Variants in ITIH6 observed in about 807,000 individuals in gnomAD.
ITIH6 encodes inter-alpha-trypsin inhibitor heavy chain H6.
A neutral mutation model predicts 58.2 loss-of-function variants in ITIH6; 60 were observed. That is an observed-to-expected ratio of 1.03 (90% CI 0.84 to 1.28). The LOEUF (loss-of-function observed/expected upper bound fraction) is 1.28, where lower values mean the gene tolerates loss of function less well. Ranked by LOEUF, ITIH6 falls within the 50% of genes most tolerant of loss-of-function variation. The pLI, the probability that ITIH6 is intolerant of heterozygous loss-of-function variation, is 0.00. For synonymous variants in ITIH6, 493 were observed against 417.4 expected (o/e 1.18, Z -2.21); for missense variants, 1,290 against 1,021.1 (o/e 1.26, Z -3.59).
chrX:54,784,078 C>T (rs1929198547), intron 5 of ITIH6, among the ~76,000 whole-genome samples: 1 of 111,826 alleles, frequency 8.9e-6, no homozygotes, highest in Non-Finnish European at 1.9e-5. Flanking sequence ...CAAGAACATA[C>T]ATTGGGGAAA....
chrX:54,794,751 G>A (rs1929411107), intron 2 of ITIH6, among the ~76,000 whole-genome samples: 1 of 111,318 alleles, frequency 9.0e-6, no homozygotes, highest in African/African-American at 3.3e-5. Flanking sequence ...AGGGACAAGC[G>A]GGGCTGAACA....
chrX:54,757,536 C>A lies in ITIH6; in HGVS notation c.2538G>T (p.Leu846Phe), dbSNP rs181442515. Reference protein sequence around the residue: ...NMPHLGPGILLSKTPKILLSL... With the variant: ...NMPHLGPGILFSKTPKILLSL... ...ATAATAAGATTTTAGGGGTCTTGGA[C>A]AAGAGGATTCCAGGCCCCAGGTGTG... is the stretch of plus-strand genomic sequence containing the variant. The change falls in exon 8 of 13, where the codon TTG (leucine) becomes TTT (phenylalanine). Residue 846 changes from leucine to phenylalanine, a missense_variant. Transcript: ENST00000218436. The A allele has an allele frequency of 5.6e-4, 677 of 1,208,062 alleles. 4 individuals carry two copies. The East Asian group carries it at 0.012, about 21-fold the overall frequency.
At chrX:54,792,185 G>A (rs1447443002) in intron 2 of ITIH6, 149 bp from the exon 3 acceptor site, 2 of 410,688 alleles carry the variant, frequency 4.9e-6, no homozygotes, top group East Asian at 7.7e-5. Context: ...CCCAGTGTGA[G>A]CGGCAAGAAG....
chrX:54,755,353 G>T (rs1569543837), intron 8 of ITIH6, among the ~76,000 whole-genome samples: 1 of 112,466 alleles, frequency 8.9e-6, no homozygotes, highest in Non-Finnish European at 1.9e-5. Context: ...GCATTGCTTA[G>T]GTATTAGGTA....
chrX:54,775,623 A>G (rs1252946657), intron 5 of ITIH6, among the ~76,000 whole-genome samples: 1 of 111,088 alleles, frequency 9.0e-6, no homozygotes, highest in Non-Finnish European at 1.9e-5. Flanking sequence ...ATAGAATTTT[A>G]TTGTCTTTTC....
chrX:54,756,577 T>C (rs1315848361), intron 8 of ITIH6, among the ~76,000 whole-genome samples: 1 of 111,348 alleles, frequency 9.0e-6, no homozygotes, highest in Non-Finnish European at 1.9e-5. Context: ...GCAGGACTAT[T>C]CACAGAGCAC....
rs1569543920 is a variant in ITIH6, at chrX:54,758,909, TC to T, written c.1164del (p.Ile389SerfsTer7). ...QEPGRGPSVGRIPLIIFLTDG... is the reference protein window; with the variant it reads ...QEPGRGPSVGXIPLIIFLTDG... The stretch of plus-strand genomic sequence containing the variant: ...TCCGTCAGGAAGATGATAAGAGGGA[TC>T]CTCCCCACACTGGGGCCCCTCCCAG... On this transcript the variant is annotated frameshift_variant, in exon 8 of 13. Coordinates refer to ENST00000218436, the MANE Select transcript of ITIH6 (RefSeq NM_198510.3). LOFTEE classifies it high-confidence loss of function. 8.3e-7 allele frequency: 1 copy of T among 1,207,043 alleles called. No homozygotes were observed.
chrX:54,759,878 T>C lies in ITIH6; in HGVS notation c.953A>G (p.Tyr318Cys). The C allele has an allele frequency of 8.3e-7, 1 of 1,210,162 alleles. No individual in the cohort carries two copies. The highest frequency in any genetic ancestry group is 1.1e-6 in the Non-Finnish European group (1 of 894,042). ...GTCAGAAAAGGAGATGATGTTGAAG[T>C]AGTCATTGGCTTGAAGGTCACTGAG... Reference protein sequence around the residue: ...VILSDLQANDYFNIISFSDTV... With the variant: ...VILSDLQANDCFNIISFSDTV... The change falls in exon 7 of 13, where the codon TAC becomes TGC. Residue 318 changes from tyrosine (Y) to cysteine (C), a missense_variant. Physicochemically the swap from Tyr to Cys is radical, Grantham distance 194. Coordinates refer to ENST00000218436, the MANE Select transcript of ITIH6 (RefSeq NM_198510.3).
intron 5 of ITIH6, among the ~76,000 whole-genome samples, chrX:54,778,425 C>T (rs1288559979): frequency 9.0e-6 from 1 of 111,178 alleles, no homozygotes; most frequent in African/African-American, 3.3e-5. Context: ...AAAGTCCTGA[C>T]TTCAAGTGGT....
In ITIH6 at chrX:54,757,158, G is replaced by A; in HGVS notation, c.2916C>T (p.Ser972=). Residue 972 remains serine (S), a synonymous_variant, in exon 8 of 13, where the codon AGC becomes AGT. Transcript: ENST00000218436. The part of the protein sequence containing the change: ...PGVPTMSLLN[S]SRPTPEGSPP... ...GGCTGCCTTCTGGTGTAGGCCTGGA[G>A]CTGTTGAGTAGGCTCATTGTTGGAA... 1.7e-6 allele frequency: 2 copies of A among 1,210,941 alleles called. No homozygotes were observed. Among genetic ancestry groups the A allele is most frequent in the Non-Finnish European group, 2.2e-6 (2 of 895,158 alleles).
chrX:54,780,729 T>G (rs1347016871), intron 5 of ITIH6, among the ~76,000 whole-genome samples: 1 of 102,161 alleles, frequency 9.8e-6, no homozygotes, highest in Admixed American at 1.0e-4. Context: ...ACAAAAAGAG[T>G]TTTTTTTTTA....
rs775991232 is a variant in ITIH6, at chrX:54,788,669, CG to C, written c.617-21del. On this transcript the variant is annotated intron_variant, in intron 4 of 12. Transcript: ENST00000218436. ...CCTCACCTGTATGGGTGGGGAGGAT[CG>C]GGGCGGGGTGGTACAGAGGACTCGC... 12 of 1,155,050 alleles carry C rather than the reference CG, an allele frequency of 1.0e-5. No homozygotes were observed. The highest frequency in any genetic ancestry group is 3.0e-5 in the East Asian group (1 of 32,994).
At chrX:54,753,379 G>A (rs143125494) in intron 11 of ITIH6, among the ~76,000 whole-genome samples, 2,366 of 111,956 alleles carry the variant, frequency 0.021, 61 homozygotes, top group African/African-American at 0.073. Context: ...ATTTTTTATC[G>A]TTTAATTCCA....
chrX:54,753,691 G>T lies in ITIH6; in HGVS notation c.3312C>A (p.His1104Gln), dbSNP rs758900229. 52 of 1,209,167 alleles carry T rather than the reference G, an allele frequency of 4.3e-5. No individual in the cohort carries two copies. The highest frequency in any genetic ancestry group is 7.0e-5 in the African/African-American group (4 of 56,966). The change falls in exon 11 of 13, where the codon CAC becomes CAA. Residue 1104 changes from histidine to glutamine, a missense_variant. Physicochemically the swap from His to Gln is conservative, Grantham distance 24 (BLOSUM62 0). Coordinates refer to ENST00000218436, the MANE Select transcript of ITIH6 (RefSeq NM_198510.3). ...CTATGAGCTGCAGCAAGTCCCCAGG[G>T]TGCCCATTCAGTGTGAAGCAGATCT... is the stretch of plus-strand genomic sequence containing the variant. ...EEKICFTLNG[H>Q]PGDLLQLIED...
At chrX:54,771,790 A>G (rs1928957280) in intron 6 of ITIH6, among the ~76,000 whole-genome samples, 1 of 111,929 alleles carries the variant, frequency 8.9e-6, no homozygotes, top group South Asian at 3.7e-4. Context: ...ACAATGAGAT[A>G]CCATCTTACA....
In ITIH6 at chrX:54,749,832, C is replaced by A. The variant is rs1569543761; in HGVS notation, c.*63G>T. 8 of 1,006,493 alleles carry A rather than the reference C, an allele frequency of 7.9e-6. No homozygotes were observed. Among genetic ancestry groups the A allele is most frequent in the East Asian group, 3.1e-5 (1 of 31,944 alleles). 82.9% of individuals were successfully genotyped at this position (1,006,493 alleles called of 1,213,427 possible). On this transcript the variant is annotated 3_prime_UTR_variant, in exon 13 of 13. Transcript: ENST00000218436. ...TCCTTGGGTCTCTGTCCCTGGCTCACCCCATGCCCTGGTTTCTGGATCTCC... is the reference window on the plus strand; with the variant it reads ...TCCTTGGGTCTCTGTCCCTGGCTCAACCCATGCCCTGGTTTCTGGATCTCC...
chrX:54,770,331 C>A (rs917913419), intron 6 of ITIH6, among the ~76,000 whole-genome samples: 35 of 112,766 alleles, frequency 3.1e-4, no homozygotes, highest in Non-Finnish European at 5.6e-4. Flanking sequence ...GCAGAAATCA[C>A]CCGTCTTATG....
intron 5 of ITIH6, among the ~76,000 whole-genome samples, chrX:54,778,435 T>G (rs973734750): frequency 9.0e-6 from 1 of 111,400 alleles, no homozygotes; most frequent in Non-Finnish European, 1.9e-5. Context: ...CTTCAAGTGG[T>G]CCACCCGTCT....
In ITIH6 at chrX:54,757,889, C is replaced by A; in HGVS notation, c.2185G>T (p.Val729Leu). Residue 729 changes from valine to leucine, a missense_variant, in exon 8 of 13, where the codon GTG becomes TTG. By Grantham distance (32) the Val-to-Leu change is conservative. Transcript: ENST00000218436. Reference sequence around the variant, plus strand: ...AACAGAGTACCAGAATTTGAGGGCACAAGAATGGTAGGTTTTGTCCTGAGA... The same window carrying A: ...AACAGAGTACCAGAATTTGAGGGCAAAAGAATGGTAGGTTTTGTCCTGAGA... Reference protein sequence around the residue: ...PTLRTKPTILVPSNSGTLLPL... With the variant: ...PTLRTKPTILLPSNSGTLLPL... 1 of 1,211,318 alleles carries A rather than the reference C, an allele frequency of 8.3e-7. No homozygotes were observed. Among genetic ancestry groups the A allele is most frequent in the Non-Finnish European group, 1.1e-6 (1 of 895,370 alleles).
Sources: gnomAD v4.1 joint callset for allele counts (sites outside exome capture counted in the v4.1 genomes callset) on GRCh38, gnomAD v4.1.1 for gene constraint, MANE v1.5 for transcripts, NCBI Gene and HGNC (gene_info 2026-07-23, HGNC 2026-07-21) for gene names.